The following ATP11A variants were observed in gnomAD, a reference collection of about 807,000 sequenced individuals.
The protein encoded by ATP11A is phospholipid-transporting ATPase IH.
A neutral mutation model predicts 154.4 loss-of-function variants in ATP11A; 81 were observed. That is an observed-to-expected ratio of 0.52 (90% CI 0.44 to 0.63). ATP11A has a LOEUF of 0.63. Among genes scored for constraint, ATP11A ranks in the 30% least tolerant of loss-of-function variants. The pLI, the probability that ATP11A is intolerant of heterozygous loss-of-function variation, is 0.00. For missense variants in ATP11A, 1,316 were observed against 1,474.3 expected (o/e 0.89, Z 1.76); for synonymous variants, 623 against 585.9 (o/e 1.06, Z -0.91).
chr13:112,790,799 C>T (rs1295845073), intron 2 of ATP11A, among the ~76,000 whole-genome samples: 1 of 152,212 alleles, frequency 6.6e-6, no homozygotes, highest in Non-Finnish European at 1.5e-5. Flanking sequence ...AAGAGTTGCA[C>T]ATTTTTAAAG....
intron 19 of ATP11A, 97 bp downstream of exon 19, chr13:112,854,627 T>C (rs2079871566): frequency 1.4e-6 from 2 of 1,414,914 alleles, no homozygotes; most frequent in Non-Finnish European, 9.5e-7. Flanking sequence ...GCATTGTCTC[T>C]ACTGGGAATT....
intron 1 of ATP11A, among the ~76,000 whole-genome samples, chr13:112,719,707 T>C (rs1269636071): frequency 2.0e-5 from 3 of 152,162 alleles, no homozygotes; most frequent in Non-Finnish European, 4.4e-5. Context: ...GAGGGGACTT[T>C]GTCACTTGCT....
Position 112,859,594 on chromosome 13 carries a change from G to T in ATP11A, c.2727+142G>T. ...GGAGCCAGGGTGCCCAGCAGCAGGC[G>T]GGGGTGAAGGGTCGGGCCTGGGGAG... On this transcript the variant is annotated intron_variant, in intron 23 of 29. Coordinates refer to ENST00000375645, the MANE Select transcript of ATP11A (RefSeq NM_015205.3). The surrounding 1 kb of genome is among the most constrained non-coding windows in gnomAD (Gnocchi z 4.3). 3 of 739,880 alleles carry T rather than the reference G, an allele frequency of 4.1e-6. No homozygotes were observed. Among genetic ancestry groups the T allele is most frequent in the Non-Finnish European group, 7.2e-6 (3 of 415,388 alleles). The allele number at this position is 739,880 out of a possible 1,614,324, so 45.8% of individuals were successfully genotyped here.
chr13:112,879,770 T>C (rs577099136), intron 29 of ATP11A, among the ~76,000 whole-genome samples: 13 of 152,368 alleles, frequency 8.5e-5, no homozygotes, highest in African/African-American at 2.9e-4. Flanking sequence ...GGAATAAACG[T>C]GTCACTAGTC....
Position 112,785,328 on chromosome 13 carries a change from C to T in ATP11A, c.162+71C>T, listed in dbSNP as rs2077598173. On this transcript the variant is annotated intron_variant, in intron 2 of 29. Coordinates refer to ENST00000375645, the MANE Select transcript of ATP11A (RefSeq NM_015205.3). The surrounding 1 kb of genome is among the most constrained non-coding windows in gnomAD (Gnocchi z 4.8). Reference sequence around the variant, plus strand: ...GCTGCCGGGGGGTGTTAGTGCTTCTCGGTTTCAAAGAGCGGCTCTGCTCCT... The same window carrying T: ...GCTGCCGGGGGGTGTTAGTGCTTCTTGGTTTCAAAGAGCGGCTCTGCTCCT... 5 of 1,343,158 alleles carry T rather than the reference C, an allele frequency of 3.7e-6. No homozygotes were observed. Among genetic ancestry groups the T allele is most frequent in the Admixed American group, 3.0e-5 (1 of 32,916 alleles). 83.2% of individuals were successfully genotyped at this position (1,343,158 alleles called of 1,614,324 possible). A position where few individuals can be genotyped will look rare whatever the true frequency, so the allele number is the denominator to read the frequency against.
Position 112,781,208 on chromosome 13 carries a change from A to AT in ATP11A, c.40-3917dup, listed in dbSNP as rs1309099070. Among the ~76,000 whole-genome samples, 1,294 of 148,554 alleles carry AT rather than the reference A, an allele frequency of 8.7e-3. 15 individuals carry two copies. Among genetic ancestry groups the AT allele is most frequent in the African/African-American group, 0.029 (1,184 of 40,384 alleles). On this transcript the variant is annotated intron_variant, in intron 1 of 29. Transcript: ENST00000375645. Reference sequence around the variant, plus strand: ...GCCCACATGCCCGGCTAATTTTTGTATTTTTTTTTTCAGTAGAGATGGAGT... The same window carrying AT: ...GCCCACATGCCCGGCTAATTTTTGTATTTTTTTTTTTCAGTAGAGATGGAGT...
intron 16 of ATP11A, among the ~76,000 whole-genome samples, chr13:112,837,723 T>A (rs972265778): frequency 6.6e-6 from 1 of 152,164 alleles, no homozygotes; most frequent in African/African-American, 2.4e-5. Flanking sequence ...TTTCCTAAGA[T>A]GTGCCGAGTT....
At chr13:112,782,635 T>C (rs1482301416) in intron 1 of ATP11A, among the ~76,000 whole-genome samples, 2 of 152,222 alleles carry the variant, frequency 1.3e-5, no homozygotes, top group African/African-American at 4.8e-5. Context: ...CACCACAAAA[T>C]AGAGACAGCA....
At chr13:112,866,080 C>A (rs1332627429) in intron 25 of ATP11A, among the ~76,000 whole-genome samples, 1 of 152,206 alleles carries the variant, frequency 6.6e-6, no homozygotes, top group African/African-American at 2.4e-5. Flanking sequence ...TGCCTAACCC[C>A]TGGGGGTTTG....
At chr13:112,818,581 G>C (rs957967849) in intron 6 of ATP11A, among the ~76,000 whole-genome samples, 2 of 152,226 alleles carry the variant, frequency 1.3e-5, no homozygotes, top group Admixed American at 6.5e-5. Context: ...CAGGGCCGGT[G>C]CAGCCCTCAT....
At chr13:112,865,553 T>G (rs1333354005) in intron 25 of ATP11A, among the ~76,000 whole-genome samples, 1 of 152,210 alleles carries the variant, frequency 6.6e-6, no homozygotes. Context: ...TTTTTGTTTT[T>G]TTGTTGTTGT....
Position 112,743,038 on chromosome 13 carries a change from A to C in ATP11A, c.40-42097A>C, listed in dbSNP as rs116083979. ...AGTGTATGACAGCACATGTGCCAGC[A>C]GACCTCACCTGTGCAGAGGGTTCTA... On this transcript the variant is annotated intron_variant, in intron 1 of 29. Coordinates refer to ENST00000375645, the MANE Select transcript of ATP11A (RefSeq NM_015205.3). Among the ~76,000 whole-genome samples, 595 of 152,312 alleles carry C rather than the reference A, an allele frequency of 3.9e-3. 4 individuals carry two copies. Among genetic ancestry groups the C allele is most frequent in the African/African-American group, 0.014 (561 of 41,550 alleles).
chr13:112,723,036 A>G (rs1330819881), intron 1 of ATP11A, among the ~76,000 whole-genome samples: 2 of 152,064 alleles, frequency 1.3e-5, no homozygotes, highest in Non-Finnish European at 2.9e-5. Flanking sequence ...GGAATGTTTA[A>G]GATAAGGAGG....
Position 112,697,761 on chromosome 13 carries a change from A to G in ATP11A, c.39+7306A>G, listed in dbSNP as rs1433702956. On this transcript the variant is annotated intron_variant, in intron 1 of 29. Coordinates refer to ENST00000375645, the MANE Select transcript of ATP11A (RefSeq NM_015205.3). The surrounding 1 kb of genome is among the most constrained non-coding windows in gnomAD (Gnocchi z 4.0). ...TTTTTTTTTTTTTTTTTTAGTAGAG[A>G]TGGGGTTTCACCATATTGGCCAGGC... Among the ~76,000 whole-genome samples, 1 of 137,856 alleles carries G rather than the reference A, an allele frequency of 7.3e-6. No homozygotes were observed. Among genetic ancestry groups the G allele is most frequent in the African/African-American group, 2.8e-5 (1 of 35,382 alleles). 90.4% of individuals were successfully genotyped at this position (137,856 alleles called of 152,430 possible). A position where few individuals can be genotyped will look rare whatever the true frequency, so the allele number is the denominator to read the frequency against.
chr13:112,862,087 T>G (rs1305350234), intron 24 of ATP11A, among the ~76,000 whole-genome samples: 4 of 148,898 alleles, frequency 2.7e-5, no homozygotes, highest in Middle Eastern at 3.6e-3. Context: ...AGGCGTCACG[T>G]CAGGCGTAAG....
Position 112,883,692 on chromosome 13 carries a change from G to A in ATP11A, c.*1826G>A, listed in dbSNP as rs772552616. 13 of 152,826 alleles carry A rather than the reference G, an allele frequency of 8.5e-5. No individual in the cohort carries two copies. Among genetic ancestry groups the A allele is most frequent in the African/African-American group, 2.2e-4 (9 of 41,596 alleles). The allele number at this position is 152,826 out of a possible 1,614,324, so 9.5% of individuals were successfully genotyped here. On this transcript the variant is annotated 3_prime_UTR_variant, in exon 30 of 30. Coordinates refer to ENST00000375645, the MANE Select transcript of ATP11A (RefSeq NM_015205.3). Reference sequence around the variant, plus strand: ...AGCAACTGGCTTGAGCAGACAGAACGGGGAAGACTCCACTCTGTCCCGAGG... The same window carrying A: ...AGCAACTGGCTTGAGCAGACAGAACAGGGAAGACTCCACTCTGTCCCGAGG...
intron 1 of ATP11A, among the ~76,000 whole-genome samples, chr13:112,718,184 C>G (rs1304558929): frequency 6.6e-6 from 1 of 151,864 alleles, no homozygotes; most frequent in Non-Finnish European, 1.5e-5. Flanking sequence ...AGTCTTTTTG[C>G]TTGAATTTAT....
chr13:112,707,786 C>CA (rs1445499396), intron 1 of ATP11A, among the ~76,000 whole-genome samples: 6 of 152,168 alleles, frequency 3.9e-5, no homozygotes, highest in Non-Finnish European at 8.8e-5. Flanking sequence ...CAACCAGTGA[C>CA]AACCGGCTCA....
At chr13:112,728,689 G>GC (rs1394296649) in intron 1 of ATP11A, among the ~76,000 whole-genome samples, 1 of 151,388 alleles carries the variant, frequency 6.6e-6, no homozygotes, top group East Asian at 1.9e-4. Flanking sequence ...TGAGACTGCG[G>GC]CCCGCCTCCC....
Sources: gnomAD v4.1 joint callset for allele counts (sites outside exome capture counted in the v4.1 genomes callset) on GRCh38, gnomAD v4.1.1 for gene constraint, Gnocchi (gnomAD v3.1) non-coding constraint, MANE v1.5 for transcripts, NCBI Gene and HGNC (gene_info 2026-07-23, HGNC 2026-07-21) for gene names.